The following GATA4 variants were observed in gnomAD, a reference collection of about 807,000 sequenced individuals.
The protein encoded by GATA4 is transcription factor GATA-4.
A neutral mutation model predicts 37.9 loss-of-function variants in GATA4; 7 were observed. That is an observed-to-expected ratio of 0.18 (90% CI 0.11 to 0.35). The LOEUF (loss-of-function observed/expected upper bound fraction) is 0.35. Among genes scored for constraint, GATA4 ranks in the 10% least tolerant of loss-of-function variants. The pLI is 1.00. For synonymous variants in GATA4, 372 were observed against 292.6 expected, an observed-to-expected ratio of 1.27 and a Z score of -2.77; for missense variants, 647 against 653.0, an observed-to-expected ratio of 0.99 and a Z score of 0.10.
At chr8:11,752,798 C>T (rs567839831) in intron 4 of GATA4, among the ~76,000 whole-genome samples, 1 of 152,046 alleles carries the variant, frequency 6.6e-6, no homozygotes, top group African/African-American at 2.4e-5. Flanking sequence ...TTATAATGAA[C>T]AAGCAAATGG....
chr8:11,748,639 C>T (rs1222259260), intron 2 of GATA4, among the ~76,000 whole-genome samples: 2 of 152,154 alleles, frequency 1.3e-5, no homozygotes, highest in African/African-American at 4.8e-5. Context: ...GAATGTGATA[C>T]CTGCACTGAA....
At chr8:11,717,864 T>A (rs1800505412) in intron 2 of GATA4, among the ~76,000 whole-genome samples, 1 of 152,218 alleles carries the variant, frequency 6.6e-6, no homozygotes, top group African/African-American at 2.4e-5. Flanking sequence ...AAACTTCCTT[T>A]CTAGCCGTTG....
intron 1 of GATA4, chr8:11,683,249 C>A: frequency 1.9e-6 from 1 of 540,144 alleles, no homozygotes; most frequent in Non-Finnish European, 2.4e-6. Flanking sequence ...ACGGGGCTGG[C>A]GTGCTCCACC....
intron 2 of GATA4, among the ~76,000 whole-genome samples, chr8:11,747,801 A>G (rs1288504383): frequency 6.6e-6 from 1 of 152,244 alleles, no homozygotes. Flanking sequence ...TATATGATGG[A>G]ACAATGGTAT....
intron 2 of GATA4, among the ~76,000 whole-genome samples, chr8:11,731,548 A>G (rs972635740): frequency 6.6e-6 from 1 of 152,224 alleles, no homozygotes; most frequent in Non-Finnish European, 1.5e-5. Flanking sequence ...GACAGAAAGC[A>G]GAAGAGGGGT....
rs553142288 is a variant in GATA4 at position 11,739,749 on chromosome 8, G to A, written c.617-9167G>A. ...TGTGTGCAGAGCTTCTGTCGTGTGC[G>A]GAGCTTCTGTCGTGTGCGGAGGAGT... On this transcript the variant is annotated intron_variant, in intron 2 of 6. Transcript: ENST00000532059. 1.7e-5 allele frequency among the ~76,000 whole-genome samples: 2 copies of A among 115,532 alleles called. 1 individual carries two copies. Among genetic ancestry groups the A allele is most frequent in the African/African-American group, 8.2e-5 (2 of 24,348 alleles). The allele number at this position is 115,532 out of a possible 152,430, so 75.8% of individuals were successfully genotyped here. A position where few individuals can be genotyped will look rare whatever the true frequency, so the allele number is the denominator to read the frequency against.
rs938243757 is a variant in GATA4, at chr8:11,749,696, C to G, written c.787-415C>G. On this transcript the variant is annotated intron_variant, in intron 3 of 6. Coordinates refer to ENST00000532059, the MANE Select transcript of GATA4 (RefSeq NM_001308093.3). This position sits in a 1 kb window ranked among gnomAD's most constrained non-coding sequence, Gnocchi z 4.6. ...ACCTGGTGCCTCCCTTTCTTGAGGT[C>G]CCAGGGCCATTCAGACTTTGATACC... Among the ~76,000 whole-genome samples the G allele has an allele frequency of 3.9e-5, 6 of 152,166 alleles. No individual in the cohort carries two copies. Among genetic ancestry groups the G allele is most frequent in the African/African-American group, 1.2e-4 (5 of 41,432 alleles).
upstream of GATA4, among the ~76,000 whole-genome samples, chr8:11,702,109 A>C (rs1324885831): frequency 6.6e-6 from 1 of 152,164 alleles, no homozygotes; most frequent in Non-Finnish European, 1.5e-5. This position sits in a 1 kb window ranked among gnomAD's most constrained non-coding sequence, Gnocchi z 4.4. Flanking sequence ...GATCGCCGCA[A>C]GGCACCGCAC....
chr8:11,756,879 G>C, intron 5 of GATA4, 56 bp from the exon 6 acceptor site: 1 of 1,613,572 alleles, frequency 6.2e-7, no homozygotes, highest in Non-Finnish European at 8.5e-7. Context: ...GCAGGCTGCC[G>C]GCTGTTCGTT....
chr8:11,759,249 A>T lies in GATA4; in HGVS notation c.*774A>T, dbSNP rs1750941269. On this transcript the variant is annotated 3_prime_UTR_variant, in exon 7 of 7. Transcript: ENST00000532059. ...AAACAAGAGCTGGGTAGTTTAGCCAAACGGCACCCCCTCGAGTTCACTGCA... is the reference window on the plus strand; with the variant it reads ...AAACAAGAGCTGGGTAGTTTAGCCATACGGCACCCCCTCGAGTTCACTGCA... 6.5e-6 allele frequency: 1 copy of T among 153,556 alleles called. No homozygotes were observed. The highest frequency in any genetic ancestry group is 1.4e-5 in the Non-Finnish European group (1 of 69,160). 9.5% of individuals were successfully genotyped at this position (153,556 alleles called of 1,614,324 possible).
chr8:11,697,660 G>A, intron 1 of GATA4: 2 of 985,476 alleles, frequency 2.0e-6, no homozygotes, highest in African/African-American at 1.7e-5. Flanking sequence ...AGAGGACCCC[G>A]GGTCTTCGCG....
intron 2 of GATA4, among the ~76,000 whole-genome samples, chr8:11,721,030 G>A (rs1800650684): frequency 6.6e-6 from 1 of 152,018 alleles, no homozygotes; most frequent in Non-Finnish European, 1.5e-5. Flanking sequence ...CGCTGGTCAG[G>A]CTGTAAAGAT....
At position 11,707,943 on chromosome 8, in the gene GATA4, G is replaced by T; in HGVS notation, c.-370G>T. On this transcript the variant is annotated 5_prime_UTR_variant, in exon 2 of 7. Coordinates refer to ENST00000532059, the MANE Select transcript of GATA4 (RefSeq NM_001308093.3). The surrounding 1 kb of genome is among the most constrained non-coding windows in gnomAD (Gnocchi z 4.7). ...TGTCCTGGAGGCCTCTCGGTGTGAC[G>T]AGTGGGGGACCCGAAGGCTCGTGCG... The T allele has an allele frequency of 3.1e-6, 1 of 322,770 alleles. No individual in the cohort carries two copies. Among genetic ancestry groups the T allele is most frequent in the Non-Finnish European group, 6.0e-6 (1 of 167,490 alleles). The allele number at this position is 322,770 out of a possible 1,614,324, so 20.0% of individuals were successfully genotyped here. A position where few individuals can be genotyped will look rare whatever the true frequency, so the allele number is the denominator to read the frequency against.
At chr8:11,714,548 C>A (rs1800353240) in intron 2 of GATA4, among the ~76,000 whole-genome samples, 1 of 152,132 alleles carries the variant, frequency 6.6e-6, no homozygotes, top group South Asian at 2.1e-4. Flanking sequence ...CCACCCTGAG[C>A]AGGTCAGTCA....
chr8:11,678,954 C>G (rs1352412471), intron 1 of GATA4, among the ~76,000 whole-genome samples: 2 of 152,160 alleles, frequency 1.3e-5, no homozygotes, highest in Admixed American at 6.5e-5. Flanking sequence ...GGTCTAGTCT[C>G]AAGTATAATA....
At chr8:11,684,210 A>T (rs1024976299) in intron 1 of GATA4, among the ~76,000 whole-genome samples, 3 of 152,202 alleles carry the variant, frequency 2.0e-5, no homozygotes, top group South Asian at 2.1e-4. Flanking sequence ...CTCTGATGTT[A>T]TGGTGGATAT....
intron 2 of GATA4, among the ~76,000 whole-genome samples, chr8:11,724,545 A>G (rs1473956691): frequency 6.6e-6 from 1 of 152,226 alleles, no homozygotes; most frequent in Non-Finnish European, 1.5e-5. Flanking sequence ...ACACTTCACC[A>G]GCAGTACGAG....
intron 2 of GATA4, among the ~76,000 whole-genome samples, chr8:11,720,277 T>A (rs1357898164): frequency 6.6e-6 from 1 of 152,072 alleles, no homozygotes; most frequent in African/African-American, 2.4e-5. Context: ...TCATTCAGGC[T>A]GACTTTGTCT....
rs928362942 is a variant in GATA4, at chr8:11,707,412, C to T, written c.-457-444C>T. On this transcript the variant is annotated intron_variant, in intron 1 of 6. Coordinates refer to ENST00000532059, the MANE Select transcript of GATA4 (RefSeq NM_001308093.3). This position sits in a 1 kb window ranked among gnomAD's most constrained non-coding sequence, Gnocchi z 4.7. ...CCCCAAGGACAATCTAAAGTTCTTT[C>T]TAGGCCAGTCTCCCCATCTTTCTTG... Among the ~76,000 whole-genome samples the T allele has an allele frequency of 1.2e-4, 18 of 151,710 alleles. No homozygotes were observed. Among genetic ancestry groups the T allele is most frequent in the Middle Eastern group, 6.8e-3 (2 of 294 alleles).
Sources: gnomAD v4.1 joint callset for allele counts (sites outside exome capture counted in the v4.1 genomes callset) on GRCh38, gnomAD v4.1.1 for gene constraint, Gnocchi (gnomAD v3.1) non-coding constraint, MANE v1.5 for transcripts, NCBI Gene and HGNC (gene_info 2026-07-23, HGNC 2026-07-21) for gene names.